FAS: variants seen among roughly 807,000 people sequenced by gnomAD.
FAS encodes the protein tumor necrosis factor receptor superfamily member 6.
Under a neutral mutation model 33.2 loss-of-function variants are expected in FAS, and 5 were observed. That is an observed-to-expected ratio of 0.15 (90% CI 0.08 to 0.32). The LOEUF is 0.32. Among genes scored for constraint, FAS ranks in the 10% least tolerant of loss-of-function variants. FAS has a pLI of 1.00. For missense variants in FAS, 339 were observed against 386.0 expected (o/e 0.88, Z 1.02); for synonymous variants, 131 against 130.7 (o/e 1.00, Z -0.01).
intron 6 of FAS, among the ~76,000 whole-genome samples, chr10:89,011,364 C>G (rs1848519657): frequency 6.6e-6 from 1 of 152,178 alleles, no homozygotes; most frequent in Non-Finnish European, 1.5e-5. Flanking sequence ...CCCTTTAAGT[C>G]ATTCATCAAC....
At position 89,007,736 on chromosome 10, in the gene FAS, A is replaced by T; in HGVS notation, c.233A>T (p.Asp78Val). Residue 78 changes from aspartate (D) to valine (V), a missense_variant, in exon 3 of 9, where the codon GAT becomes GTT. Physicochemically the swap from Asp to Val is radical, Grantham distance 152. This residue lies in a region of FAS where 276 missense variants were observed against 300.1 expected (regional missense o/e 0.92). Transcript: ENST00000652046. The stretch of plus-strand genomic sequence containing the variant: ...GCTAGGGACTGCACAGTCAATGGGG[A>T]TGAACCAGACTGCGTGCCCTGCCAA... ...RKARDCTVNG[D>V]EPDCVPCQEG... 1 of 1,613,996 alleles carries T rather than the reference A, an allele frequency of 6.2e-7. No individual in the cohort carries two copies. The highest frequency in any genetic ancestry group is 1.3e-5 in the African/African-American group (1 of 75,016).
chr10:88,988,769 A>C (rs189078506), upstream of FAS, among the ~76,000 whole-genome samples: 8 of 152,342 alleles, frequency 5.3e-5, no homozygotes, highest in Admixed American at 5.2e-4. Flanking sequence ...AAAGGATTCC[A>C]AAGGCAAAGA....
chr10:88,976,169 A>G (rs1247309763), intron 2 of FAS, among the ~76,000 whole-genome samples: 1 of 152,186 alleles, frequency 6.6e-6, no homozygotes, highest in Non-Finnish European at 1.5e-5. Context: ...TGGGCCACAC[A>G]TAAAATACAC....
In FAS at chr10:89,015,533, C is replaced by G. The variant is rs1331649899; in HGVS notation, c.*1083C>G. On this transcript the variant is annotated 3_prime_UTR_variant, in exon 9 of 9. Coordinates refer to ENST00000652046, the MANE Select transcript of FAS (RefSeq NM_000043.6). ...ATTTAGGAATTGCTCTTGTCATACC[C>G]CCAAGTTTCTAAGATTTAAGATTCT... The G allele has an allele frequency of 3.7e-6, 2 of 534,276 alleles. No individual in the cohort carries two copies. 33.1% of individuals were successfully genotyped at this position (534,276 alleles called of 1,614,324 possible). A position where few individuals can be genotyped will look rare whatever the true frequency, so the allele number is the denominator to read the frequency against.
At chr10:88,994,412 G>A (rs564711231) in intron 1 of FAS, among the ~76,000 whole-genome samples, 1 of 152,262 alleles carries the variant, frequency 6.6e-6, no homozygotes, top group African/African-American at 2.4e-5. Context: ...ATTTACTTAT[G>A]ATGAAAAATA....
rs781777924 is a variant in FAS, at chr10:89,012,070, A to G, written c.640A>G (p.Thr214Ala). Residue 214 changes from threonine to alanine, a missense_variant, in exon 7 of 9, where the codon ACT (threonine) becomes GCT (alanine). Thr to Ala is a moderately conservative substitution (Grantham distance 58, BLOSUM62 0). Transcript: ENST00000652046. ...AAACCAAGGTTCTCATGAATCTCCAACTTTAAATCCTGTAGGTATTGAAAT... is the reference window on the plus strand; with the variant it reads ...AAACCAAGGTTCTCATGAATCTCCAGCTTTAAATCCTGTAGGTATTGAAAT... ...KENQGSHESPTLNPETVAINL... is the reference protein window; with the variant it reads ...KENQGSHESPALNPETVAINL... 4.3e-6 allele frequency: 7 copies of G among 1,612,988 alleles called. No homozygotes were observed. In the South Asian group the frequency reaches 4.4e-5, roughly 10 times the overall value.
intron 1 of FAS, among the ~76,000 whole-genome samples, chr10:89,000,350 T>C (rs2182408): frequency 0.5 from 75,924 of 152,080 alleles, 19,650 homozygotes; most frequent in Non-Finnish European, 0.56. Flanking sequence ...CCAGATTTTC[T>C]ATTTTACTAA....
chr10:88,993,096 C>T (rs887337527), intron 1 of FAS, among the ~76,000 whole-genome samples: 2 of 152,152 alleles, frequency 1.3e-5, no homozygotes, highest in Non-Finnish European at 2.9e-5. Flanking sequence ...CAACAAGTAT[C>T]CCCATCCTTA....
rs1200030942 is a variant in FAS at position 88,976,458 on chromosome 10, G to GA, written n.260+3115dup. 4.9e-4 allele frequency among the ~76,000 whole-genome samples: 75 copies of GA among 152,200 alleles called. 1 individual carries two copies. The highest frequency in any genetic ancestry group is 5.9e-5 in the Non-Finnish European group (4 of 68,030). On this transcript the variant is annotated intron_variant and non_coding_transcript_variant, in intron 2 of 3. Transcript: ENST00000688239. ...ATATTGGTTCATTATGAGGATCACG[G>GA]AAAATGGAGAAAATTAGTACATTAA...
intron 1 of FAS, among the ~76,000 whole-genome samples, chr10:88,972,978 T>G (rs1353934217): frequency 6.6e-6 from 1 of 152,236 alleles, no homozygotes; most frequent in Non-Finnish European, 1.5e-5. Context: ...AGGGCCAATC[T>G]ATTGAAAAGA....
intron 1 of FAS, among the ~76,000 whole-genome samples, chr10:88,968,767 T>C (rs546992325): frequency 1.2e-4 from 19 of 152,326 alleles, no homozygotes; most frequent in South Asian, 1.2e-3. Context: ...GCTGTTGATA[T>C]AGGCATTTCT....
chr10:88,990,458 G>A (rs1233650408), upstream of FAS: 1 of 512,640 alleles, frequency 2.0e-6, no homozygotes. The surrounding 1 kb of genome is among the most constrained non-coding windows in gnomAD (Gnocchi z 4.9). Flanking sequence ...GCCACTGCAG[G>A]AACGCCCCGG....
At chr10:89,000,910 A>AG (rs1847889768) in intron 1 of FAS, among the ~76,000 whole-genome samples, 1 of 111,150 alleles carries the variant, frequency 9.0e-6, no homozygotes, top group African/African-American at 2.8e-5. Context: ...TAGCCGTCAT[A>AG]GTGTGCATTC....
chr10:89,013,124 C>G (rs181519662), intron 7 of FAS, among the ~76,000 whole-genome samples: 1 of 152,134 alleles, frequency 6.6e-6, no homozygotes, highest in Admixed American at 6.5e-5. Flanking sequence ...AAAACTAAGA[C>G]AATATTGCTT....
upstream of FAS, chr10:88,990,454 G>A (rs1564669079): frequency 2.0e-6 from 1 of 508,616 alleles, no homozygotes; most frequent in Non-Finnish European, 3.8e-6. The surrounding 1 kb of genome is among the most constrained non-coding windows in gnomAD (Gnocchi z 4.9). Flanking sequence ...GCCAGCCACT[G>A]CAGGAACGCC....
chr10:88,977,265 T>C (rs1462006665), intron 2 of FAS, among the ~76,000 whole-genome samples: 18 of 151,868 alleles, frequency 1.2e-4, no homozygotes, highest in Non-Finnish European at 4.4e-5. Context: ...TGGTAATGCC[T>C]AGGTTTTCTT....
exon 2 of FAS, chr10:88,973,200 G>A: frequency 6.2e-7 from 1 of 1,611,942 alleles, no homozygotes; most frequent in Non-Finnish European, 8.5e-7. Context: ...ATTCCTTTCT[G>A]GGATAATTTC....
At chr10:89,013,409 T>C in intron 8 of FAS, 42 bp downstream of exon 8, 1 of 1,574,768 alleles carries the variant, frequency 6.4e-7, no homozygotes, top group Non-Finnish European at 8.7e-7. Context: ...TGGCATCCTT[T>C]AGAGTAATAG....
chr10:88,993,665 C>G (rs1435374207), intron 1 of FAS, among the ~76,000 whole-genome samples: 1 of 152,116 alleles, frequency 6.6e-6, no homozygotes, highest in African/African-American at 2.4e-5. Flanking sequence ...AAATAAAGAA[C>G]AGTTATTTAA....
Sources: allele counts gnomAD v4.1 joint callset (sites outside exome capture counted in the v4.1 genomes callset), GRCh38; gene constraint gnomAD v4.1.1; regional missense constraint gnomAD v4.1.1; non-coding constraint Gnocchi (gnomAD v3.1); transcripts MANE v1.5; gene names NCBI Gene and HGNC (gene_info 2026-07-23, HGNC 2026-07-21).